Variants in DIP2C observed in about 807,000 individuals in gnomAD.
DIP2C encodes disco-interacting protein 2 homolog C.
DIP2C carries 33 observed loss-of-function variants against 192.4 expected under a neutral mutation model. That is an observed-to-expected ratio of 0.17 (90% CI 0.13 to 0.23). The LOEUF is 0.23. DIP2C is among the 10% of genes least tolerant of loss of function. The probability of loss-of-function intolerance (pLI) is 1.00; values close to 1 mark genes in which losing one functional copy is unlikely to be tolerated. For missense variants in DIP2C, 1,537 were observed against 2,110.1 expected, an observed-to-expected ratio of 0.73 and a Z score of 5.32; for synonymous variants, 979 against 864.1, an observed-to-expected ratio of 1.13 and a Z score of -2.33.
intron 10 of DIP2C, among the ~76,000 whole-genome samples, chr10:395,912 TCTC>T (rs751471727): frequency 2.6e-5 from 4 of 152,080 alleles, no homozygotes; most frequent in Non-Finnish European, 5.9e-5. Context: ...CCCACACTGT[TCTC>T]CTGCTATGCT....
intron 17 of DIP2C, among the ~76,000 whole-genome samples, chr10:373,207 CTCT>C (rs542951722): frequency 1.8e-4 from 28 of 152,296 alleles, no homozygotes; most frequent in South Asian, 1.0e-3. Flanking sequence ...GTCTACTGCT[CTCT>C]TCTTTTTATA....
At chr10:384,685 C>A in intron 14 of DIP2C, 46 bp from the exon 15 acceptor site, 2 of 1,590,992 alleles carry the variant, frequency 1.3e-6, no homozygotes, top group Non-Finnish European at 1.7e-6. Context: ...GAGGGGCACG[C>A]AGAGGAGCAG....
intron 1 of DIP2C, among the ~76,000 whole-genome samples, chr10:490,922 G>A (rs781271476): frequency 1.3e-5 from 2 of 152,188 alleles, no homozygotes; most frequent in African/African-American, 2.4e-5. Flanking sequence ...ATGAGACTGA[G>A]GGATGATGCT....
At chr10:403,768 T>C (rs564919650) in intron 9 of DIP2C, among the ~76,000 whole-genome samples, 3 of 150,694 alleles carry the variant, frequency 2.0e-5, no homozygotes, top group African/African-American at 7.3e-5. Flanking sequence ...CCTGTGATTC[T>C]ACATGTGTGG....
At chr10:635,495 C>A (rs983262288) in intron 1 of DIP2C, among the ~76,000 whole-genome samples, 1 of 152,224 alleles carries the variant, frequency 6.6e-6, no homozygotes, top group African/African-American at 2.4e-5. Context: ...GCCGGGAAGC[C>A]GGGTCTCTGG....
chr10:423,872 C>T (rs1432269688), intron 4 of DIP2C, among the ~76,000 whole-genome samples: 1 of 152,222 alleles, frequency 6.6e-6, no homozygotes, highest in African/African-American at 2.4e-5. Flanking sequence ...CATCACGTCA[C>T]ATTTTACACT....
chr10:648,707 G>T (rs1241850797), intron 1 of DIP2C, among the ~76,000 whole-genome samples: 1 of 149,688 alleles, frequency 6.7e-6, no homozygotes, highest in Non-Finnish European at 1.5e-5. Flanking sequence ...TGGACGGTAG[G>T]AGAGAACAGA....
chr10:438,995 G>A (rs952268563), intron 4 of DIP2C, among the ~76,000 whole-genome samples: 1 of 152,072 alleles, frequency 6.6e-6, no homozygotes, highest in African/African-American at 2.4e-5. Flanking sequence ...CTAATTTTTT[G>A]TACTTTTGGT....
At chr10:603,008 A>C (rs1852194533) in intron 1 of DIP2C, among the ~76,000 whole-genome samples, 4 of 152,158 alleles carry the variant, frequency 2.6e-5, no homozygotes, top group Admixed American at 2.6e-4. Flanking sequence ...CATAGAAATT[A>C]GGCAAAGAAT....
At chr10:459,279 T>C (rs1969558293) in intron 3 of DIP2C, among the ~76,000 whole-genome samples, 1 of 150,634 alleles carries the variant, frequency 6.6e-6, no homozygotes, top group Non-Finnish European at 1.5e-5. Flanking sequence ...GACATGGCCG[T>C]GTCATTCTGG....
chr10:523,707 G>A (rs886484652), intron 1 of DIP2C, among the ~76,000 whole-genome samples: 4 of 148,752 alleles, frequency 2.7e-5, no homozygotes, highest in Non-Finnish European at 4.4e-5. Flanking sequence ...CCACACACTC[G>A]TTTCTACTGG....
rs1849471480 is a variant in DIP2C at position 566,418 on chromosome 10, CA to C, written c.86-79889del. Among the ~76,000 whole-genome samples the C allele has an allele frequency of 2.6e-5, 4 of 152,340 alleles. No individual in the cohort carries two copies. In the South Asian group the frequency reaches 8.3e-4, roughly 32 times the overall value. On this transcript the variant is annotated intron_variant, in intron 1 of 36. Transcript: ENST00000280886. ...GCCGCTGACCCACCAGAGGCGCCACCAAACCCTGGAGTGTTACAGTTGCCTT... is the reference window on the plus strand; with the variant it reads ...GCCGCTGACCCACCAGAGGCGCCACCAACCCTGGAGTGTTACAGTTGCCTT...
At chr10:577,683 G>C (rs1026342032) in intron 1 of DIP2C, among the ~76,000 whole-genome samples, 1 of 152,156 alleles carries the variant, frequency 6.6e-6, no homozygotes. Context: ...ACTAATACAA[G>C]GTTTTGCTTT....
chr10:391,668 A>C (rs190764378), intron 10 of DIP2C, among the ~76,000 whole-genome samples: 1 of 152,322 alleles, frequency 6.6e-6, no homozygotes, highest in Admixed American at 6.5e-5. Flanking sequence ...GAAAGCTCCA[A>C]AACAGCCAGG....
At chr10:293,901 G>T (rs3132000) in intron 32 of DIP2C, among the ~76,000 whole-genome samples, 1 of 152,214 alleles carries the variant, frequency 6.6e-6, no homozygotes, top group Non-Finnish European at 1.5e-5. Flanking sequence ...AGGCTAAGGG[G>T]AAGAAGATCT....
At chr10:321,591 C>G (rs201345834) in intron 31 of DIP2C, among the ~76,000 whole-genome samples, 60 of 110,260 alleles carry the variant, frequency 5.4e-4, no homozygotes, top group African/African-American at 2.3e-3. Flanking sequence ...GGGGCTCCAG[C>G]GAGAGACCGG....
intron 1 of DIP2C, among the ~76,000 whole-genome samples, chr10:521,293 A>G (rs1846691848): frequency 6.6e-6 from 1 of 152,180 alleles, no homozygotes; most frequent in Admixed American, 6.5e-5. Context: ...ACCTCCCCTG[A>G]GGCATCTGGA....
chr10:609,155 A>G (rs1257038423), intron 1 of DIP2C, among the ~76,000 whole-genome samples: 1 of 152,182 alleles, frequency 6.6e-6, no homozygotes, highest in African/African-American at 2.4e-5. Flanking sequence ...ACCAAGACAA[A>G]CATGACTACA....
At position 410,580 on chromosome 10, in the gene DIP2C, GAAC is replaced by G. The variant is rs1428710271; in HGVS notation, c.1058-1566_1058-1564del. ...TTGTGGCTTCAGATTTCTTTAATGT[GAAC>G]AAGATTAGGGAACTATTATAGTTGG... On this transcript the variant is annotated intron_variant, in intron 8 of 36. Transcript: ENST00000280886. 2.0e-5 allele frequency among the ~76,000 whole-genome samples: 3 copies of G among 152,128 alleles called. No homozygotes were observed. In the East Asian group the frequency reaches 5.8e-4, roughly 29 times the overall value.
Sources: gnomAD v4.1 joint callset for allele counts (sites outside exome capture counted in the v4.1 genomes callset) on GRCh38, gnomAD v4.1.1 for gene constraint, MANE v1.5 for transcripts, NCBI Gene and HGNC (gene_info 2026-07-23, HGNC 2026-07-21) for gene names.